The following PIK3R3 variants were observed in gnomAD, a reference collection of about 807,000 sequenced individuals.
PIK3R3 encodes the protein phosphoinositide-3-kinase regulatory subunit 3, also known as phosphatidylinositol 3-kinase regulatory subunit gamma.
Under a neutral mutation model 62.9 loss-of-function variants are expected in PIK3R3, and 64 were observed. That is an observed-to-expected ratio of 1.02 (90% confidence interval 0.83 to 1.25). The LOEUF (loss-of-function observed/expected upper bound fraction) is 1.25, where lower values mean the gene tolerates loss of function less well. PIK3R3 is among the 50% of genes most tolerant of loss of function. The probability of loss-of-function intolerance (pLI) is 0.00; values close to 1 mark genes in which losing one functional copy is unlikely to be tolerated. For synonymous variants in PIK3R3, 165 were observed against 189.0 expected, an observed-to-expected ratio of 0.87 and a Z score of 1.04; for missense variants, 614 against 561.6, an observed-to-expected ratio of 1.09 and a Z score of -0.94.
intron 6 of PIK3R3, among the ~76,000 whole-genome samples, chr1:46,059,694 T>A (rs6660996): frequency 6.6e-6 from 1 of 152,134 alleles, no homozygotes; most frequent in Non-Finnish European, 1.5e-5. Flanking sequence ...CTCGGGAGGC[T>A]GAGGCAAGTG....
intron 1 of PIK3R3, among the ~76,000 whole-genome samples, chr1:46,128,728 ATACATAAATAG>A (rs1655305070): frequency 6.6e-6 from 1 of 152,234 alleles, no homozygotes; most frequent in African/African-American, 2.4e-5. Flanking sequence ...AGGGAGAAGC[ATACATAAATAG>A]TACAGTAGCT....
At chr1:46,130,241 A>C (rs1229740062) in intron 1 of PIK3R3, among the ~76,000 whole-genome samples, 2 of 152,220 alleles carry the variant, frequency 1.3e-5, no homozygotes, top group Admixed American at 1.3e-4. Flanking sequence ...AATTCTTATA[A>C]CAGGAATCTA....
rs540973009 is a variant in PIK3R3, at chr1:46,044,208, C to G, written c.1188-337G>C. Reference sequence around the variant, plus strand: ...CTCCCACCACAGCTTCCCAAGTAGCCGGGACTACAGGTGTGAGCCACATGC... The same window carrying G: ...CTCCCACCACAGCTTCCCAAGTAGCGGGGACTACAGGTGTGAGCCACATGC... On this transcript the variant is annotated intron_variant, in intron 9 of 9. Transcript: ENST00000262741. The surrounding 1 kb of genome is among the most constrained non-coding windows in gnomAD (Gnocchi z 4.2). 6.6e-6 allele frequency among the ~76,000 whole-genome samples: 1 copy of G among 151,534 alleles called. No homozygotes were observed. Among genetic ancestry groups the G allele is most frequent in the Admixed American group, 6.6e-5 (1 of 15,200 alleles).
chr1:46,087,867 G>C (rs1425924370), intron 1 of PIK3R3, among the ~76,000 whole-genome samples: 1 of 152,246 alleles, frequency 6.6e-6, no homozygotes, highest in Admixed American at 6.5e-5. Flanking sequence ...AAAAAGACAA[G>C]TATTATGATT....
At chr1:46,123,975 A>G (rs987290960) in intron 1 of PIK3R3, among the ~76,000 whole-genome samples, 2 of 152,214 alleles carry the variant, frequency 1.3e-5, no homozygotes, top group Non-Finnish European at 1.5e-5. Flanking sequence ...ATGAAACGTT[A>G]TAACTAGAAA....
In PIK3R3 at chr1:46,063,429, T is replaced by C. The variant is rs577105954; in HGVS notation, c.622-1358A>G. 2.0e-5 allele frequency among the ~76,000 whole-genome samples: 3 copies of C among 152,340 alleles called. No homozygotes were observed. The South Asian group carries it at 6.2e-4, about 32-fold the overall frequency. On this transcript the variant is annotated intron_variant, in intron 5 of 9. Transcript: ENST00000262741. ...CTAGAATTCCCATATGCCAAATATC[T>C]TGGTACTAATTCTACAACTCTTAAA...
chr1:46,160,251 T>C, the PIK3R3 span, among the ~76,000 whole-genome samples: 2 of 152,168 alleles, frequency 1.3e-5, no homozygotes, highest in Admixed American at 1.3e-4. Context: ...GAGTACTCCA[T>C]CCTTGGATTT....
chr1:46,141,062 G>A, the PIK3R3 span, among the ~76,000 whole-genome samples: 1 of 151,582 alleles, frequency 6.6e-6, no homozygotes, highest in Non-Finnish European at 1.5e-5. Flanking sequence ...AGGTCTCACT[G>A]TTTCCCAGGC....
chr1:46,138,503 T>TA, the PIK3R3 span, among the ~76,000 whole-genome samples: 8 of 151,748 alleles, frequency 5.3e-5, no homozygotes, highest in Admixed American at 2.0e-4. Context: ...TCTACAAAAT[T>TA]AAAAAAATCA....
intron 3 of PIK3R3, among the ~76,000 whole-genome samples, chr1:46,071,660 C>A (rs984056127): frequency 7.5e-6 from 1 of 133,528 alleles, no homozygotes; most frequent in Non-Finnish European, 1.5e-5. Flanking sequence ...CGCGCCATTA[C>A]ACTCTAGCCT....
At chr1:46,071,712 A>AAAAAAAAAAATATAT (rs1472807815) in intron 3 of PIK3R3, among the ~76,000 whole-genome samples, 6 of 24,650 alleles carry the variant, frequency 2.4e-4, no homozygotes, top group Non-Finnish European at 3.9e-4. Context: ...AAAAAAAAAA[A>AAAAAAAAAAATATAT]ATATATATAT....
rs114368189 is a variant in PIK3R3, at chr1:46,099,071, T to C, written c.107-18321A>G. On this transcript the variant is annotated intron_variant, in intron 1 of 9. Coordinates refer to ENST00000262741, the MANE Select transcript of PIK3R3 (RefSeq NM_003629.4). ...ATGTTCTGGAATAAGATAGTTGTAA[T>C]AGTTGCACAACTATTTGACTATATT... 5.6e-3 allele frequency among the ~76,000 whole-genome samples: 848 copies of C among 152,284 alleles called. 11 individuals carry two copies. Among genetic ancestry groups the C allele is most frequent in the African/African-American group, 0.02 (826 of 41,554 alleles).
At chr1:46,093,438 T>TA (rs879524350) in intron 1 of PIK3R3, among the ~76,000 whole-genome samples, 3 of 152,196 alleles carry the variant, frequency 2.0e-5, no homozygotes, top group Admixed American at 2.0e-4. Flanking sequence ...ATTTGCTTTC[T>TA]AAAAAATTCT....
chr1:46,109,037 T>G (rs1459475393), intron 1 of PIK3R3, among the ~76,000 whole-genome samples: 2 of 151,916 alleles, frequency 1.3e-5, no homozygotes, highest in Non-Finnish European at 2.9e-5. Context: ...TGAGCGCCTA[T>G]AGTCCCAGCT....
At chr1:46,112,529 C>A (rs1269660704) in intron 1 of PIK3R3, among the ~76,000 whole-genome samples, 2 of 152,126 alleles carry the variant, frequency 1.3e-5, no homozygotes, top group African/African-American at 2.4e-5. Context: ...ACATCTCCAC[C>A]AATAGTGAAG....
At chr1:46,160,132 C>T in the PIK3R3 span, among the ~76,000 whole-genome samples, 2 of 152,132 alleles carry the variant, frequency 1.3e-5, no homozygotes, top group Admixed American at 6.5e-5. Flanking sequence ...TATTTTCAGG[C>T]ATGGGGATAA....
the PIK3R3 span, among the ~76,000 whole-genome samples, chr1:46,145,953 C>T: frequency 6.6e-6 from 1 of 152,098 alleles, no homozygotes; most frequent in Non-Finnish European, 1.5e-5. Flanking sequence ...AAGCGGAATA[C>T]TTATCTGGGT....
At chr1:46,083,447 T>C (rs1650786531) in intron 1 of PIK3R3, among the ~76,000 whole-genome samples, 1 of 151,538 alleles carries the variant, frequency 6.6e-6, no homozygotes, top group Admixed American at 6.6e-5. Context: ...ACCAAGAAAG[T>C]GAAGAGACAA....
chr1:46,074,502 A>T (rs1042044619), intron 3 of PIK3R3, among the ~76,000 whole-genome samples: 2 of 151,404 alleles, frequency 1.3e-5, no homozygotes, highest in Middle Eastern at 3.4e-3. Context: ...CCTCATCTTT[A>T]GGGGCTGCTG....
Sources: allele counts gnomAD v4.1 joint callset (sites outside exome capture counted in the v4.1 genomes callset), GRCh38; gene constraint gnomAD v4.1.1; non-coding constraint Gnocchi (gnomAD v3.1); transcripts MANE v1.5; gene names NCBI Gene and HGNC (gene_info 2026-07-23, HGNC 2026-07-21).